ZFYVE28: variants seen among roughly 807,000 people sequenced by gnomAD.
ZFYVE28 encodes lateral signaling target protein 2 homolog.
ZFYVE28 carries 40 observed loss-of-function variants against 82.1 expected under a neutral mutation model. The ratio of observed to expected loss-of-function variants is 0.49; its 90% CI spans 0.38 to 0.63. The LOEUF is 0.63. ZFYVE28 is among the 30% of genes least tolerant of loss of function. The probability of loss-of-function intolerance (pLI) is 0.00; values close to 1 mark genes in which losing one functional copy is unlikely to be tolerated. For synonymous variants in ZFYVE28, 612 were observed against 546.1 expected, an observed-to-expected ratio of 1.12 and a Z score of -1.68; for missense variants, 1,321 against 1,242.1, an observed-to-expected ratio of 1.06 and a Z score of -0.96.
At position 2,284,617 on chromosome 4, in the gene ZFYVE28, G is replaced by A. The variant is rs1388302375; in HGVS notation, c.2052-10401C>T. Among the ~76,000 whole-genome samples the A allele has an allele frequency of 5.9e-5, 9 of 152,320 alleles. No homozygotes were observed. The South Asian group carries it at 1.5e-3, about 25-fold the overall frequency. ...TCAGGACAATCCCACAGTCCTGGAC[G>A]CCTCTGGTTCCCCAGAGGAGTTGGA... is the stretch of plus-strand genomic sequence containing the variant. On this transcript the variant is annotated intron_variant, in intron 8 of 12. Transcript: ENST00000290974.
chr4:2,393,704 G>A (rs889758749), intron 1 of ZFYVE28, among the ~76,000 whole-genome samples: 14 of 152,262 alleles, frequency 9.2e-5, no homozygotes, highest in African/African-American at 1.7e-4. Context: ...TGAGACTCCC[G>A]CCGGCCCCTT....
At chr4:2,405,250 G>T (rs187114512) in intron 1 of ZFYVE28, among the ~76,000 whole-genome samples, 2 of 152,262 alleles carry the variant, frequency 1.3e-5, no homozygotes, top group East Asian at 3.9e-4. Flanking sequence ...AAGCGGCACC[G>T]CGAAGGGAAG....
chr4:2,405,340 G>A (rs1338003008), intron 1 of ZFYVE28, among the ~76,000 whole-genome samples: 2 of 152,206 alleles, frequency 1.3e-5, no homozygotes, highest in African/African-American at 2.4e-5. Context: ...ACAGTCCTTG[G>A]CCTTTTCAGA....
chr4:2,296,771 G>A (rs562458253), intron 8 of ZFYVE28, among the ~76,000 whole-genome samples: 6 of 152,288 alleles, frequency 3.9e-5, no homozygotes, highest in Admixed American at 2.6e-4. Context: ...GAGCAAGGCC[G>A]GGCTGCCTCA....
chr4:2,326,990 G>A (rs1342477908), intron 6 of ZFYVE28, among the ~76,000 whole-genome samples: 3 of 151,830 alleles, frequency 2.0e-5, no homozygotes, highest in Non-Finnish European at 2.9e-5. Context: ...AGTGACTCAC[G>A]CCTATAATCC....
intron 8 of ZFYVE28, among the ~76,000 whole-genome samples, chr4:2,299,085 A>G (rs1020619158): frequency 1.3e-5 from 2 of 152,248 alleles, no homozygotes; most frequent in African/African-American, 4.8e-5. Context: ...ATCAAAAGAC[A>G]TTCAAAAACA....
chr4:2,275,759 T>A (rs1248278374), intron 8 of ZFYVE28, among the ~76,000 whole-genome samples: 2 of 152,216 alleles, frequency 1.3e-5, no homozygotes, highest in Non-Finnish European at 2.9e-5. Context: ...AAGCCAGGGC[T>A]GTCTACACTC....
At chr4:2,304,031 C>A (rs77071457) in intron 8 of ZFYVE28, among the ~76,000 whole-genome samples, 2 of 152,200 alleles carry the variant, frequency 1.3e-5, no homozygotes, top group Admixed American at 1.3e-4. Flanking sequence ...GACAGGCACC[C>A]GGAACATCAG....
At chr4:2,371,167 CAG>C (rs998996609) in intron 1 of ZFYVE28, among the ~76,000 whole-genome samples, 60 of 152,286 alleles carry the variant, frequency 3.9e-4, no homozygotes, top group African/African-American at 1.4e-3. Context: ...AGCAAGCAGA[CAG>C]GGGATGGGGT....
At chr4:2,379,296 C>A (rs984447370) in intron 1 of ZFYVE28, among the ~76,000 whole-genome samples, 5 of 152,230 alleles carry the variant, frequency 3.3e-5, no homozygotes, top group African/African-American at 1.2e-4. Context: ...ATCTCAGAAT[C>A]CCATCTTCTG....
chr4:2,290,595 C>T (rs1188364641), intron 8 of ZFYVE28, among the ~76,000 whole-genome samples: 1 of 152,216 alleles, frequency 6.6e-6, no homozygotes, highest in Admixed American at 6.5e-5. Context: ...GACACGACCA[C>T]ACCTGCCCCC....
chr4:2,337,619 C>T (rs563899745), intron 4 of ZFYVE28, 123 bp from the exon 5 acceptor site: 105 of 697,202 alleles, frequency 1.5e-4, no homozygotes, highest in Middle Eastern at 1.3e-3. Flanking sequence ...GGGGGCCTCA[C>T]GCCTGTAATC....
At chr4:2,333,611 C>A (rs904451816) in intron 6 of ZFYVE28, among the ~76,000 whole-genome samples, 1 of 152,100 alleles carries the variant, frequency 6.6e-6, no homozygotes, top group African/African-American at 2.4e-5. Context: ...CAGGGCTCAC[C>A]GGCTCATTGA....
intron 1 of ZFYVE28, among the ~76,000 whole-genome samples, chr4:2,391,314 G>A (rs986657863): frequency 6.6e-6 from 1 of 151,958 alleles, no homozygotes; most frequent in Non-Finnish European, 1.5e-5. Flanking sequence ...CCCAACCCGC[G>A]CTCATGTGTG....
At chr4:2,407,684 A>C (rs1271991686) in intron 1 of ZFYVE28, among the ~76,000 whole-genome samples, 1 of 152,052 alleles carries the variant, frequency 6.6e-6, no homozygotes, top group Non-Finnish European at 1.5e-5. Context: ...TCTGCCTCCC[A>C]GATTCAAGTG....
chr4:2,337,389 A>G lies in ZFYVE28; in HGVS notation c.611+18T>C, dbSNP rs1722000068. The G allele has an allele frequency of 6.3e-7, 1 of 1,586,148 alleles. No homozygotes were observed. The highest frequency in any genetic ancestry group is 1.7e-5 in the Admixed American group (1 of 57,338). On this transcript the variant is annotated intron_variant, in intron 5 of 12. Coordinates refer to ENST00000290974, the MANE Select transcript of ZFYVE28 (RefSeq NM_020972.3). ...TCCCCAGATGCTGCCCCCAGCCCCTAAGCATCCCTGTGCTCACCTCTCCAC... is the reference window on the plus strand; with the variant it reads ...TCCCCAGATGCTGCCCCCAGCCCCTGAGCATCCCTGTGCTCACCTCTCCAC...
rs1484942441 is a variant in ZFYVE28, at chr4:2,332,669, C to T, written c.701+3036G>A. ...CACCACGGGCAGCTGTGGCCTCTGC[C>T]TGTCCGGCTCAAAGCGGTCGCTGTG... On this transcript the variant is annotated intron_variant, in intron 6 of 12. Coordinates refer to ENST00000290974, the MANE Select transcript of ZFYVE28 (RefSeq NM_020972.3). This position sits in a 1 kb window ranked among gnomAD's most constrained non-coding sequence, Gnocchi z 4.7. Among the ~76,000 whole-genome samples the T allele has an allele frequency of 1.3e-5, 2 of 152,196 alleles. No individual in the cohort carries two copies. Among genetic ancestry groups the T allele is most frequent in the Non-Finnish European group, 2.9e-5 (2 of 68,022 alleles).
intron 8 of ZFYVE28, among the ~76,000 whole-genome samples, chr4:2,276,234 C>T (rs1268617179): frequency 6.6e-6 from 1 of 152,218 alleles, no homozygotes; most frequent in Non-Finnish European, 1.5e-5. Context: ...TTTGCCGGAA[C>T]GTGGGAGCAC....
rs1732249729 is a variant in ZFYVE28, at chr4:2,409,179, A to C, written c.39+9106T>G. On this transcript the variant is annotated intron_variant, in intron 1 of 12. Coordinates refer to ENST00000290974, the MANE Select transcript of ZFYVE28 (RefSeq NM_020972.3). The surrounding 1 kb of genome is among the most constrained non-coding windows in gnomAD (Gnocchi z 4.4). ...TTCTGCACCCCCATCTCCACCCTCC[A>C]CCTCGCAGCTCCTCTCCTGAGCTCC... Among the ~76,000 whole-genome samples, 1 of 124,698 alleles carries C rather than the reference A, an allele frequency of 8.0e-6. No homozygotes were observed. Among genetic ancestry groups the C allele is most frequent in the African/African-American group, 3.1e-5 (1 of 31,916 alleles). 81.8% of individuals were successfully genotyped at this position (124,698 alleles called of 152,430 possible).
Sources: gnomAD v4.1 joint callset for allele counts (sites outside exome capture counted in the v4.1 genomes callset) on GRCh38, gnomAD v4.1.1 for gene constraint, Gnocchi (gnomAD v3.1) non-coding constraint, MANE v1.5 for transcripts, NCBI Gene and HGNC (gene_info 2026-07-23, HGNC 2026-07-21) for gene names.